The following FAM117A variants were observed in gnomAD, a reference collection of about 807,000 sequenced individuals.
FAM117A encodes the protein protein FAM117A.
In FAM117A, 21 loss-of-function variants were observed where a neutral mutation model predicts 44.1. The ratio of observed to expected loss-of-function variants is 0.48; its 90% confidence interval spans 0.34 to 0.69. The LOEUF is 0.69. FAM117A is among the 30% of genes least tolerant of loss of function. The probability of loss-of-function intolerance (pLI) is 0.01; values close to 1 mark genes in which losing one functional copy is unlikely to be tolerated. For synonymous variants in FAM117A, 220 were observed against 238.3 expected (o/e 0.92, Z 0.71); for missense variants, 498 against 589.9 (o/e 0.84, Z 1.61).
Position 49,711,097 on chromosome 17 carries a change from A to G in FAM117A, c.*158T>C, listed in dbSNP as rs1353980475. On this transcript the variant is annotated 3_prime_UTR_variant, in exon 8 of 8. Coordinates refer to ENST00000240364, the MANE Select transcript of FAM117A (RefSeq NM_030802.4). ...ATCACGTTCAGAGGGGCCGGTGCCC[A>G]TCAAAAAGAGGACCCAGGGCTTTGA... 2.9e-6 allele frequency: 2 copies of G among 695,030 alleles called. No individual in the cohort carries two copies. Among genetic ancestry groups the G allele is most frequent in the African/African-American group, 1.8e-5 (1 of 55,090 alleles). The allele number at this position is 695,030 out of a possible 1,614,324, so 43.1% of individuals were successfully genotyped here.
chr17:49,784,606 T>C (rs1267478965), intron 1 of FAM117A, among the ~76,000 whole-genome samples: 3 of 152,246 alleles, frequency 2.0e-5, no homozygotes, highest in Non-Finnish European at 4.4e-5. Flanking sequence ...TTTCTTTGCA[T>C]GGAAAACCCT....
At chr17:49,781,095 C>T (rs1001148804) in intron 1 of FAM117A, among the ~76,000 whole-genome samples, 3 of 152,134 alleles carry the variant, frequency 2.0e-5, no homozygotes, top group Admixed American at 6.5e-5. Context: ...GGATAACAGG[C>T]GTGAGCCACC....
At chr17:49,715,781 C>T (rs1350581770) in intron 7 of FAM117A, among the ~76,000 whole-genome samples, 1 of 152,136 alleles carries the variant, frequency 6.6e-6, no homozygotes, top group Non-Finnish European at 1.5e-5. Flanking sequence ...AAGAGAAATA[C>T]TAATATGTTC....
intron 1 of FAM117A, among the ~76,000 whole-genome samples, chr17:49,757,313 C>T (rs1170826457): frequency 6.6e-6 from 1 of 152,138 alleles, no homozygotes; most frequent in Non-Finnish European, 1.5e-5. Context: ...AGGGCCTGGA[C>T]TTGAAGTTTT....
chr17:49,728,177 G>C (rs1024031829), intron 2 of FAM117A, among the ~76,000 whole-genome samples: 2 of 152,178 alleles, frequency 1.3e-5, no homozygotes, highest in African/African-American at 4.8e-5. Flanking sequence ...TCGCCAATCT[G>C]GAAAACAGGC....
At chr17:49,740,387 C>T (rs1178867601) in intron 1 of FAM117A, among the ~76,000 whole-genome samples, 4 of 151,940 alleles carry the variant, frequency 2.6e-5, no homozygotes, top group Non-Finnish European at 5.9e-5. Flanking sequence ...GTAGCTGGGA[C>T]TACAGGCGCC....
At chr17:49,715,210 CAAT>C (rs1000163076) in intron 7 of FAM117A, among the ~76,000 whole-genome samples, 18 of 152,276 alleles carry the variant, frequency 1.2e-4, no homozygotes, top group African/African-American at 4.1e-4. Context: ...TCCCAGGCAA[CAAT>C]AATAACAGTA....
At chr17:49,768,128 T>C (rs868777157), upstream of FAM117A, among the ~76,000 whole-genome samples, 13 of 152,102 alleles carry the variant, frequency 8.5e-5, no homozygotes, top group African/African-American at 2.7e-4. Flanking sequence ...AAGCAGTCCC[T>C]ATGAGGTTTC....
At chr17:49,776,313 G>A (rs553428936) in intron 1 of FAM117A, among the ~76,000 whole-genome samples, 2 of 152,244 alleles carry the variant, frequency 1.3e-5, no homozygotes, top group South Asian at 2.1e-4. Context: ...TAGCTAGAAG[G>A]GAAAGGTCCA....
intron 1 of FAM117A, among the ~76,000 whole-genome samples, chr17:49,736,130 T>C (rs2073609328): frequency 6.6e-6 from 1 of 152,236 alleles, no homozygotes; most frequent in Non-Finnish European, 1.5e-5. Context: ...AATGGGATTA[T>C]ACTGTACGTA....
At chr17:49,729,755 C>T (rs201931000) in intron 2 of FAM117A, among the ~76,000 whole-genome samples, 25 of 152,194 alleles carry the variant, frequency 1.6e-4, no homozygotes, top group Middle Eastern at 3.4e-3. Flanking sequence ...CTGCCCACCT[C>T]GGCCTCCCAA....
chr17:49,714,331 ACT>A (rs1266821039), intron 7 of FAM117A, among the ~76,000 whole-genome samples: 74 of 141,414 alleles, frequency 5.2e-4, no homozygotes, highest in Non-Finnish European at 9.3e-4. Context: ...GATCACCACC[ACT>A]CTTTTTTTTT....
At chr17:49,716,586 G>C (rs892169768) in intron 6 of FAM117A, among the ~76,000 whole-genome samples, 13 of 152,134 alleles carry the variant, frequency 8.5e-5, no homozygotes, top group African/African-American at 3.1e-4. Context: ...AGGTAGACTG[G>C]GACCGGAACT....
intron 1 of FAM117A, among the ~76,000 whole-genome samples, chr17:49,777,294 G>T (rs1453224332): frequency 1.3e-5 from 2 of 152,190 alleles, no homozygotes; most frequent in Non-Finnish European, 2.9e-5. Flanking sequence ...AGCAAAGAGG[G>T]AAGCCCCAAG....
In FAM117A at chr17:49,711,015, C is replaced by T. The variant is rs2073474553; in HGVS notation, c.*240G>A. ...GTTTTCCACCAAGTGAGGGATGTGG[C>T]AGGTACACAGGTGTGAATTGTGAGC... On this transcript the variant is annotated 3_prime_UTR_variant, in exon 8 of 8. Transcript: ENST00000240364. 4.8e-6 allele frequency: 2 copies of T among 418,930 alleles called. No homozygotes were observed. The highest frequency in any genetic ancestry group is 8.5e-6 in the Non-Finnish European group (2 of 235,582). The allele number at this position is 418,930 out of a possible 1,614,324, so 26.0% of individuals were successfully genotyped here.
At chr17:49,720,302 A>C in intron 4 of FAM117A, 24 bp downstream of exon 4, 1 of 1,582,674 alleles carries the variant, frequency 6.3e-7, no homozygotes, top group Non-Finnish European at 8.7e-7. Context: ...AACAGAGGGG[A>C]GAGGGCTGGG....
At chr17:49,786,116 T>C (rs977190977) in intron 1 of FAM117A, among the ~76,000 whole-genome samples, 24 of 152,224 alleles carry the variant, frequency 1.6e-4, no homozygotes, top group Admixed American at 1.5e-3. Context: ...TTTCAAGTAC[T>C]ATACACATTT....
At chr17:49,731,252 T>TC (rs1235546885) in intron 2 of FAM117A, among the ~76,000 whole-genome samples, 3 of 152,148 alleles carry the variant, frequency 2.0e-5, no homozygotes, top group Non-Finnish European at 2.9e-5. Flanking sequence ...TTGCCCAATG[T>TC]CCCCCAGGGT....
Position 49,754,782 on chromosome 17 carries a change from T to C in FAM117A, c.196+9110A>G, listed in dbSNP as rs569255622. Among the ~76,000 whole-genome samples the C allele has an allele frequency of 1.4e-4, 22 of 152,154 alleles. 1 individual carries two copies. The East Asian group carries it at 4.3e-3, about 30-fold the overall frequency. On this transcript the variant is annotated intron_variant, in intron 1 of 7. Transcript: ENST00000240364. ...GGCCAGGTGCAGTGGCTCACACCTG[T>C]AATCCCAGCCCTTTGGGAGGCCAAG...
Sources: allele counts gnomAD v4.1 joint callset (sites outside exome capture counted in the v4.1 genomes callset), GRCh38; gene constraint gnomAD v4.1.1; transcripts MANE v1.5; gene names NCBI Gene and HGNC (gene_info 2026-07-23, HGNC 2026-07-21).